PIGL: variants seen among roughly 807,000 people sequenced by gnomAD.
PIGL encodes phosphatidylinositol glycan anchor biosynthesis class L.
A neutral mutation model predicts 31.1 loss-of-function variants in PIGL; 22 were observed. The ratio of observed to expected loss-of-function variants is 0.71; its 90% CI spans 0.51 to 1.01. The LOEUF (loss-of-function observed/expected upper bound fraction) is 1.01. PIGL is among the 50% of genes least tolerant of loss of function. PIGL has a pLI of 0.00. For missense variants in PIGL, 302 were observed against 315.9 expected, an observed-to-expected ratio of 0.96 and a Z score of 0.33; for synonymous variants, 131 against 117.4, an observed-to-expected ratio of 1.12 and a Z score of -0.75.
intron 2 of PIGL, among the ~76,000 whole-genome samples, chr17:16,256,441 C>G (rs2092793930): frequency 6.6e-6 from 1 of 152,036 alleles, no homozygotes; most frequent in African/African-American, 2.4e-5. Flanking sequence ...GATTCCTCTG[C>G]CTCAGCTTCA....
rs571989568 is a variant in PIGL at position 16,323,420 on chromosome 17, G to A, written c.661-2380G>A. On this transcript the variant is annotated intron_variant, in intron 6 of 6. Transcript: ENST00000225609. Reference sequence around the variant, plus strand: ...GGCTAATTTTGTATTTTTTAGTAGAGACGAAGTTTCACCATGTTGGTCAGG... The same window carrying A: ...GGCTAATTTTGTATTTTTTAGTAGAAACGAAGTTTCACCATGTTGGTCAGG... 2.8e-4 allele frequency among the ~76,000 whole-genome samples: 42 copies of A among 151,990 alleles called. 2 individuals are homozygous for A. In the South Asian group the frequency reaches 7.3e-3, roughly 26 times the overall value.
At chr17:16,266,897 CT>C (rs1396405341) in intron 2 of PIGL, among the ~76,000 whole-genome samples, 836 of 42,788 alleles carry the variant, frequency 0.02, 8 homozygotes, top group African/African-American at 0.067. Flanking sequence ...ACGCCTTGCT[CT>C]TTTTTTTTGG....
intron 2 of PIGL, among the ~76,000 whole-genome samples, chr17:16,241,327 G>A (rs2092722511): frequency 6.6e-6 from 1 of 151,490 alleles, no homozygotes; most frequent in African/African-American, 2.4e-5. Context: ...AGTGGCTCAG[G>A]CCTGTAATTC....
At chr17:16,219,309 C>G (rs1325422367) in intron 1 of PIGL, among the ~76,000 whole-genome samples, 1 of 151,832 alleles carries the variant, frequency 6.6e-6, no homozygotes, top group Non-Finnish European at 1.5e-5. Flanking sequence ...ATCTGCCCGC[C>G]TCAGCCTCCC....
At chr17:16,318,739 T>C (rs1262900850) in intron 6 of PIGL, among the ~76,000 whole-genome samples, 1 of 150,830 alleles carries the variant, frequency 6.6e-6, no homozygotes, top group East Asian at 2.0e-4. Flanking sequence ...AAGACCAGCC[T>C]GGCCAACATG....
chr17:16,286,888 T>C (rs2092940389), intron 2 of PIGL, among the ~76,000 whole-genome samples: 3 of 151,886 alleles, frequency 2.0e-5, no homozygotes, highest in Admixed American at 6.6e-5. Context: ...CCTGCCCATC[T>C]CTCCTTCCCG....
chr17:16,256,087 T>C (rs192941914), intron 2 of PIGL, among the ~76,000 whole-genome samples: 14 of 152,042 alleles, frequency 9.2e-5, no homozygotes, highest in Admixed American at 6.6e-5. Flanking sequence ...ATACCACTCA[T>C]TGGAAGAGGT....
chr17:16,278,157 G>A (rs2092903207), intron 2 of PIGL, among the ~76,000 whole-genome samples: 1 of 151,898 alleles, frequency 6.6e-6, no homozygotes, highest in African/African-American at 2.4e-5. Flanking sequence ...CCAGGTTCAA[G>A]CAATTCTTCT....
chr17:16,300,298 C>T (rs936084408), intron 3 of PIGL: 1 of 245,770 alleles, frequency 4.1e-6, no homozygotes. Flanking sequence ...ATTCAGGTCC[C>T]CCAGAGCCTG....
At chr17:16,217,629 A>AT in intron 1 of PIGL, 168 bp downstream of exon 1, 6 of 547,584 alleles carry the variant, frequency 1.1e-5, no homozygotes, top group East Asian at 9.0e-5. Flanking sequence ...CGGCCGGCTT[A>AT]CCTGGTGGGT....
chr17:16,289,018 C>G (rs1439989291), intron 2 of PIGL, among the ~76,000 whole-genome samples: 2 of 152,164 alleles, frequency 1.3e-5, no homozygotes, highest in Non-Finnish European at 2.9e-5. Flanking sequence ...TCTCTGTATT[C>G]AAAGGTCTAG....
At chr17:16,302,170 G>A (rs904708415) in intron 3 of PIGL, among the ~76,000 whole-genome samples, 4 of 152,034 alleles carry the variant, frequency 2.6e-5, no homozygotes, top group South Asian at 2.1e-4. Flanking sequence ...ACCCTACCAC[G>A]ACTCATCTCC....
intron 2 of PIGL, among the ~76,000 whole-genome samples, chr17:16,291,894 G>A (rs1424254950): frequency 6.6e-6 from 1 of 151,774 alleles, no homozygotes; most frequent in East Asian, 1.9e-4. Context: ...AAATAGGGCT[G>A]AGGCAGGAGG....
chr17:16,237,441 A>G (rs1396611337), intron 2 of PIGL, among the ~76,000 whole-genome samples: 1 of 151,610 alleles, frequency 6.6e-6, no homozygotes, highest in South Asian at 2.1e-4. Context: ...AATCAGAAAT[A>G]TATACAGATG....
chr17:16,230,112 C>T (rs983597293), intron 1 of PIGL, among the ~76,000 whole-genome samples: 2 of 152,050 alleles, frequency 1.3e-5, no homozygotes, highest in African/African-American at 2.4e-5. Context: ...CCACCTGCCT[C>T]GGCCTCTCAA....
intron 1 of PIGL, among the ~76,000 whole-genome samples, chr17:16,229,056 AGACCAG>A (rs933613660): frequency 1.3e-5 from 2 of 152,118 alleles, no homozygotes; most frequent in African/African-American, 4.8e-5. Flanking sequence ...GGATCCCTTG[AGACCAG>A]GAGTTCAAGA....
chr17:16,236,976 T>C (rs553899361), intron 2 of PIGL, among the ~76,000 whole-genome samples: 1 of 152,184 alleles, frequency 6.6e-6, no homozygotes, highest in South Asian at 2.1e-4. Context: ...ATCTCACTGT[T>C]ACCCAGGGTG....
At chr17:16,324,154 A>G (rs2093117669) in intron 6 of PIGL, among the ~76,000 whole-genome samples, 3 of 147,790 alleles carry the variant, frequency 2.0e-5, no homozygotes, top group East Asian at 2.0e-4. Context: ...TAGTAGAGAT[A>G]GGGTTTCACC....
At chr17:16,265,919 T>C (rs185165068) in intron 2 of PIGL, among the ~76,000 whole-genome samples, 82 of 152,056 alleles carry the variant, frequency 5.4e-4, no homozygotes, top group Non-Finnish European at 9.4e-4. Flanking sequence ...AATCATCCCA[T>C]CCCTGGGCAG....
Sources: allele counts gnomAD v4.1 joint callset (sites outside exome capture counted in the v4.1 genomes callset), GRCh38; gene constraint gnomAD v4.1.1; transcripts MANE v1.5; gene names NCBI Gene and HGNC (gene_info 2026-07-23, HGNC 2026-07-21).